The following NBPF8 variants were observed in gnomAD, a reference collection of about 807,000 sequenced individuals.
NBPF8 encodes the protein NBPF member 8.
chr1:120,461,263 G>T lies in NBPF8; in HGVS notation n.2846G>T, dbSNP rs1553250288. 1.6e-5 allele frequency: 10 copies of T among 620,912 alleles called. 1 individual carries two copies. The highest frequency in any genetic ancestry group is 2.6e-5 in the Non-Finnish European group (9 of 351,164). 38.5% of individuals were successfully genotyped at this position (620,912 alleles called of 1,614,324 possible). Reference sequence around the variant, plus strand: ...TTTCCCACTTTTCCAGGCTCAGCAGGGAGCTGCTGGATGAGAAAGGGCCTG... The same window carrying T: ...TTTCCCACTTTTCCAGGCTCAGCAGTGAGCTGCTGGATGAGAAAGGGCCTG... On this transcript the variant is annotated non_coding_transcript_exon_variant, in exon 19 of 25. Coordinates refer to ENST00000583271, the Ensembl canonical transcript of NBPF8.
At chr1:120,463,370 C>T (rs1409309852) in intron 21 of NBPF8, among the ~76,000 whole-genome samples, 95 of 127,618 alleles carry the variant, frequency 7.4e-4, no homozygotes, top group African/African-American at 2.7e-3. Flanking sequence ...CAGTTTTCCT[C>T]CTAGAAATCA....
chr1:120,434,612 C>T (rs1368393678), upstream of NBPF8, among the ~76,000 whole-genome samples: 10 of 151,700 alleles, frequency 6.6e-5, no homozygotes, highest in East Asian at 1.9e-4. Flanking sequence ...CTTGCACCGC[C>T]GCTTCTAAAT....
At chr1:120,432,393 CTT>C (rs1660905625), upstream of NBPF8, 1 of 70,276 alleles carries the variant, frequency 1.4e-5, no homozygotes, top group Non-Finnish European at 2.7e-5. Context: ...TTTTTTTCCT[CTT>C]AATATTTAAT....
chr1:120,431,507 G>C (rs1660879253), upstream of NBPF8, among the ~76,000 whole-genome samples: 1 of 150,724 alleles, frequency 6.6e-6, no homozygotes, highest in Non-Finnish European at 1.5e-5. Flanking sequence ...GAAGATACAT[G>C]AATGGGCAAT....
upstream of NBPF8, among the ~76,000 whole-genome samples, chr1:120,435,581 C>T (rs1277435658): frequency 1.6e-4 from 23 of 145,272 alleles, no homozygotes; most frequent in Middle Eastern, 3.5e-3. Context: ...CGGTGGCTCA[C>T]GCCTGTAATC....
upstream of NBPF8, chr1:120,433,676 G>A (rs1570932858): frequency 4.8e-6 from 1 of 209,788 alleles, no homozygotes; most frequent in African/African-American, 2.3e-5. Flanking sequence ...GCTGAAGGTG[G>A]GAGGCCATTT....
chr1:120,417,769 T>C (rs1660469666), upstream of NBPF8, among the ~76,000 whole-genome samples: 1 of 142,244 alleles, frequency 7.0e-6, no homozygotes, highest in Non-Finnish European at 1.5e-5. Flanking sequence ...CTGGCTTAAT[T>C]TTCATATTTT....
upstream of NBPF8, among the ~76,000 whole-genome samples, chr1:120,419,587 T>A (rs1660517830): frequency 6.6e-6 from 1 of 152,238 alleles, no homozygotes; most frequent in Admixed American, 6.5e-5. Flanking sequence ...ACCTTCAGAG[T>A]AGCTGAGACT....
intron 17 of NBPF8, among the ~76,000 whole-genome samples, chr1:120,459,744 A>T (rs1282553346): frequency 4.6e-5 from 7 of 152,208 alleles, no homozygotes; most frequent in Non-Finnish European, 1.0e-4. Context: ...GTCTCACGCC[A>T]TGCCCGTGCC....
At chr1:120,436,401 C>T in exon 1 of NBPF8, 1 of 1,310,120 alleles carries the variant, frequency 7.6e-7, no homozygotes, top group South Asian at 1.3e-5. Flanking sequence ...GTAAGAATTT[C>T]AGTTACTGAC....
intron 1 of NBPF8, among the ~76,000 whole-genome samples, chr1:120,420,844 G>A (rs1232541823): frequency 3.2e-4 from 48 of 148,802 alleles, no homozygotes; most frequent in Middle Eastern, 3.4e-3. Context: ...TAAATCTCAG[G>A]TCACTACCCC....
chr1:120,437,011 A>G (rs1369550603), intron 1 of NBPF8, among the ~76,000 whole-genome samples: 4 of 3,802 alleles, frequency 1.1e-3, no homozygotes, highest in Non-Finnish European at 2.6e-3. Flanking sequence ...TCTGTACCAT[A>G]TAAGATCCTG....
chr1:120,454,262 A>G (rs1661372040), intron 15 of NBPF8, 148 bp downstream of exon 13: 7 of 1,532,748 alleles, frequency 4.6e-6, no homozygotes, highest in Non-Finnish European at 6.2e-6. Context: ...TGTCCTTCAC[A>G]GCTAATGTCA....
intron 3 of NBPF8, among the ~76,000 whole-genome samples, chr1:120,431,252 CG>C (rs1660864734): frequency 2.4e-5 from 3 of 125,300 alleles, no homozygotes; most frequent in Admixed American, 1.6e-4. Flanking sequence ...CACACACAAA[CG>C]TGTGTGTGTG....
intron 1 of NBPF8, among the ~76,000 whole-genome samples, chr1:120,422,812 C>T (rs1421648813): frequency 1.8e-5 from 2 of 108,328 alleles, no homozygotes; most frequent in South Asian, 4.8e-4. Context: ...GTGTGTTCAC[C>T]GTTTTGTGTT....
At chr1:120,421,413 CTCTT>C (rs1436286650) in intron 1 of NBPF8, among the ~76,000 whole-genome samples, 2 of 150,662 alleles carry the variant, frequency 1.3e-5, no homozygotes, top group Non-Finnish European at 3.0e-5. Context: ...TTTTCTCTCT[CTCTT>C]TATTCTTTCC....
chr1:120,431,298 A>T, intron 3 of NBPF8, among the ~76,000 whole-genome samples: 1 of 117,420 alleles, frequency 8.5e-6, no homozygotes, highest in Non-Finnish European at 1.7e-5. Flanking sequence ...CACCGTTTTG[A>T]AGATTATCAT....
chr1:120,449,816 G>T (rs1309590242), intron 11 of NBPF8, among the ~76,000 whole-genome samples: 2 of 152,184 alleles, frequency 1.3e-5, no homozygotes, highest in Non-Finnish European at 2.9e-5. Context: ...AACAGACAAA[G>T]CTCTGTTCTA....
At chr1:120,428,221 T>C (rs1477029557) in intron 3 of NBPF8, among the ~76,000 whole-genome samples, 1 of 152,168 alleles carries the variant, frequency 6.6e-6, no homozygotes, top group Admixed American at 6.5e-5. Context: ...ATAGAATTGG[T>C]TCAGTGGTTG....
Sources: gnomAD v4.1 joint callset for allele counts (sites outside exome capture counted in the v4.1 genomes callset) on GRCh38, gnomAD v4.1.1 for gene constraint, MANE v1.5 for transcripts, NCBI Gene and HGNC (gene_info 2026-07-23, HGNC 2026-07-21) for gene names.